ST8SIA6: variants seen among roughly 807,000 people sequenced by gnomAD.
ST8SIA6 encodes the protein ST8 alpha-N-acetyl-neuraminide alpha-2,8-sialyltransferase 6.
ST8SIA6 carries 39 observed loss-of-function variants against 33.6 expected under a neutral mutation model. That is an observed-to-expected ratio of 1.16 (90% CI 0.90 to 1.52). The LOEUF (loss-of-function observed/expected upper bound fraction) is 1.52. Ranked by LOEUF, ST8SIA6 falls within the 40% of genes most tolerant of loss-of-function variation. ST8SIA6 has a pLI of 0.00. For synonymous variants in ST8SIA6, 172 were observed against 167.2 expected (o/e 1.03, Z -0.22); for missense variants, 441 against 443.8 (o/e 0.99, Z 0.06).
intron 6 of ST8SIA6, among the ~76,000 whole-genome samples, chr10:17,323,917 A>G (rs913515763): frequency 4.6e-5 from 7 of 152,196 alleles, no homozygotes; most frequent in African/African-American, 1.7e-4. Context: ...TGCCAGAAGC[A>G]AAGACTAAAT....
intron 2 of ST8SIA6, among the ~76,000 whole-genome samples, chr10:17,430,220 A>C (rs1053886604): frequency 2.0e-5 from 3 of 152,150 alleles, no homozygotes; most frequent in African/African-American, 7.2e-5. Context: ...GTTGCTGCAA[A>C]AGACATTATT....
rs1029390463 is a variant in ST8SIA6, at chr10:17,317,494, T to G, written c.*3384A>C. Among the ~76,000 whole-genome samples, 20 of 152,222 alleles carry G rather than the reference T, an allele frequency of 1.3e-4. No homozygotes were observed. The highest frequency in any genetic ancestry group is 4.8e-4 in the African/African-American group (20 of 41,466). On this transcript the variant is annotated 3_prime_UTR_variant, in exon 8 of 8. Transcript: ENST00000377602. ...TGAATTCCTACAATGCCTTCAATTT[T>G]TAATGGCATAATAATGTGTTTCCAT... is the stretch of plus-strand genomic sequence containing the variant.
intron 2 of ST8SIA6, among the ~76,000 whole-genome samples, chr10:17,417,219 A>G (rs1317788892): frequency 2.6e-5 from 4 of 151,992 alleles, no homozygotes; most frequent in Non-Finnish European, 5.9e-5. Context: ...GAGAATAAGA[A>G]CTCACTCATT....
chr10:17,431,226 G>A (rs1852092307), intron 2 of ST8SIA6, among the ~76,000 whole-genome samples: 5 of 152,164 alleles, frequency 3.3e-5, no homozygotes, highest in Admixed American at 3.3e-4. Context: ...AGCCGCTGAG[G>A]ATGGCTGGAA....
At chr10:17,446,084 G>A (rs1413564583) in intron 2 of ST8SIA6, among the ~76,000 whole-genome samples, 2 of 151,986 alleles carry the variant, frequency 1.3e-5, no homozygotes, top group African/African-American at 4.8e-5. Context: ...TTGTTTAAGG[G>A]GTATATGGCT....
intron 6 of ST8SIA6, among the ~76,000 whole-genome samples, chr10:17,324,414 A>G (rs967677378): frequency 2.0e-5 from 3 of 152,124 alleles, no homozygotes; most frequent in Admixed American, 6.5e-5. Context: ...ATATTCAATG[A>G]TAAAGATTAA....
At chr10:17,345,289 T>G (rs1353945489) in intron 4 of ST8SIA6, among the ~76,000 whole-genome samples, 1 of 152,186 alleles carries the variant, frequency 6.6e-6, no homozygotes. Context: ...TCCCTAATCT[T>G]GTGTTTATAT....
At chr10:17,421,228 G>C (rs767531276) in intron 2 of ST8SIA6, among the ~76,000 whole-genome samples, 1 of 152,152 alleles carries the variant, frequency 6.6e-6, no homozygotes, top group Non-Finnish European at 1.5e-5. Flanking sequence ...CCAGCCTCAA[G>C]CCCCCTGTGG....
At chr10:17,371,050 G>A (rs907141646) in intron 3 of ST8SIA6, among the ~76,000 whole-genome samples, 1 of 152,182 alleles carries the variant, frequency 6.6e-6, no homozygotes, top group Non-Finnish European at 1.5e-5. Context: ...GAAATCAGCA[G>A]CTTCTGGATT....
At chr10:17,380,101 T>C (rs1850075455) in intron 3 of ST8SIA6, among the ~76,000 whole-genome samples, 1 of 152,246 alleles carries the variant, frequency 6.6e-6, no homozygotes, top group South Asian at 2.1e-4. Flanking sequence ...GGGGGGACTT[T>C]ACTTGCTTCC....
chr10:17,351,437 G>A lies in ST8SIA6; in HGVS notation c.377+8077C>T, dbSNP rs908875551. Among the ~76,000 whole-genome samples, 4 of 148,200 alleles carry A rather than the reference G, an allele frequency of 2.7e-5. No homozygotes were observed. In the East Asian group the frequency reaches 5.9e-4, roughly 22 times the overall value. On this transcript the variant is annotated intron_variant, in intron 4 of 7. Coordinates refer to ENST00000377602, the MANE Select transcript of ST8SIA6 (RefSeq NM_001004470.3). Reference sequence around the variant, plus strand: ...AAAAAAATTTTAGTACTGTAACCAGGACATCTATATTTAACCTTCATTTTA... The same window carrying A: ...AAAAAAATTTTAGTACTGTAACCAGAACATCTATATTTAACCTTCATTTTA...
intron 4 of ST8SIA6, among the ~76,000 whole-genome samples, chr10:17,340,926 G>A (rs1384169416): frequency 6.6e-6 from 1 of 152,188 alleles, no homozygotes; most frequent in African/African-American, 2.4e-5. Flanking sequence ...TCATATCCCA[G>A]TGACTGCTCT....
intron 2 of ST8SIA6, among the ~76,000 whole-genome samples, chr10:17,449,089 A>C (rs1443593937): frequency 6.6e-6 from 1 of 151,904 alleles, no homozygotes; most frequent in African/African-American, 2.4e-5. Context: ...TAAAAATCTA[A>C]ACATATATAG....
chr10:17,354,736 C>T (rs532332531), intron 4 of ST8SIA6, among the ~76,000 whole-genome samples: 126 of 152,256 alleles, frequency 8.3e-4, no homozygotes, highest in African/African-American at 2.8e-3. Flanking sequence ...GCAATTGAAT[C>T]CCAGAGTCTC....
chr10:17,393,350 A>G (rs896946068), intron 2 of ST8SIA6, among the ~76,000 whole-genome samples: 3 of 152,038 alleles, frequency 2.0e-5, no homozygotes, highest in East Asian at 1.9e-4. Context: ...CTATCTCTCT[A>G]TTGTTTCTGT....
intron 4 of ST8SIA6, among the ~76,000 whole-genome samples, chr10:17,341,936 G>GA (rs1848692611): frequency 1.6e-5 from 2 of 125,964 alleles, no homozygotes; most frequent in African/African-American, 3.0e-5. Context: ...AAGAAAGAAA[G>GA]AAAAAGAAAG....
chr10:17,368,232 CAAAAAA>C lies in ST8SIA6; in HGVS notation c.291-8638_291-8633del, dbSNP rs61426907. ...CTAACATGGACAAATCCTGTCTCTA[CAAAAAA>C]AAAAAAAAAAAAAAAAAAAATTACA... On this transcript the variant is annotated intron_variant, in intron 3 of 7. Coordinates refer to ENST00000377602, the MANE Select transcript of ST8SIA6 (RefSeq NM_001004470.3). Among the ~76,000 whole-genome samples the C allele has an allele frequency of 4.1e-3, 305 of 74,168 alleles. 1 individual carries two copies. Among genetic ancestry groups the C allele is most frequent in the African/African-American group, 0.015 (261 of 17,892 alleles). The allele number at this position is 74,168 out of a possible 152,430, so 48.7% of individuals were successfully genotyped here. A position where few individuals can be genotyped will look rare whatever the true frequency, so the allele number is the denominator to read the frequency against.
rs185881499 is a variant in ST8SIA6 at position 17,451,056 on chromosome 10, T to C, written c.200+2503A>G. On this transcript the variant is annotated intron_variant, in intron 2 of 7. Coordinates refer to ENST00000377602, the MANE Select transcript of ST8SIA6 (RefSeq NM_001004470.3). ...TGGGCAATTTACTTCATCTTGTTGCTTCGATTTGCCCCTCTGTAAAAATTA... is the reference window on the plus strand; with the variant it reads ...TGGGCAATTTACTTCATCTTGTTGCCTCGATTTGCCCCTCTGTAAAAATTA... 1.0e-3 allele frequency among the ~76,000 whole-genome samples: 154 copies of C among 152,338 alleles called. 2 individuals carry two copies. Among genetic ancestry groups the C allele is most frequent in the Non-Finnish European group, 1.5e-3 (100 of 68,022 alleles).
At chr10:17,355,581 T>A (rs1217156922) in intron 4 of ST8SIA6, among the ~76,000 whole-genome samples, 1 of 152,238 alleles carries the variant, frequency 6.6e-6, no homozygotes, top group Admixed American at 6.5e-5. Flanking sequence ...TGTAGTTACT[T>A]GTCTACAACC....
Sources: allele counts gnomAD v4.1 joint callset (sites outside exome capture counted in the v4.1 genomes callset), GRCh38; gene constraint gnomAD v4.1.1; transcripts MANE v1.5; gene names NCBI Gene and HGNC (gene_info 2026-07-23, HGNC 2026-07-21).